The following SYNE1 variants were observed in gnomAD, a reference collection of about 807,000 sequenced individuals.
SYNE1 encodes nesprin-1.
In SYNE1, 616 loss-of-function variants were observed where a neutral mutation model predicts 1,111.0. The ratio of observed to expected loss-of-function variants is 0.55; its 90% CI spans 0.52 to 0.59. The LOEUF (loss-of-function observed/expected upper bound fraction) is 0.59, where lower values mean the gene tolerates loss of function less well. SYNE1 is among the 20% of genes least tolerant of loss of function. SYNE1 has a pLI of 0.00. For missense variants in SYNE1, 10,006 were observed against 10,417.0 expected, an observed-to-expected ratio of 0.96 and a Z score of 1.72; for synonymous variants, 3,855 against 3,825.8, an observed-to-expected ratio of 1.01 and a Z score of -0.28.
chr6:152,491,564 C>T (rs141370297), intron 11 of SYNE1, among the ~76,000 whole-genome samples: 3,824 of 152,188 alleles, frequency 0.025, 167 homozygotes, highest in African/African-American at 0.086. Flanking sequence ...ACTGCTTGGC[C>T]CCAATACAAA....
chr6:152,302,362 A>C, intron 91 of SYNE1: 2 of 489,236 alleles, frequency 4.1e-6, no homozygotes, highest in East Asian at 3.9e-5. Context: ...CCCATATGGA[A>C]TCATGAACTT....
chr6:152,567,086 G>T (rs922321071), intron 3 of SYNE1, among the ~76,000 whole-genome samples: 1 of 151,376 alleles, frequency 6.6e-6, no homozygotes, highest in Non-Finnish European at 1.5e-5. Context: ...CCATCCCTCT[G>T]CACCTGTTAA....
chr6:152,354,574 T>C (rs139263245), intron 67 of SYNE1, 85 bp downstream of exon 67: 1 of 1,549,808 alleles, frequency 6.5e-7, no homozygotes, highest in Admixed American at 1.7e-5. Flanking sequence ...AAGCTTTGGA[T>C]AAAAGTTACT....
At chr6:152,461,453 A>G in intron 21 of SYNE1, 144 bp downstream of exon 21, 1 of 992,826 alleles carries the variant, frequency 1.0e-6, no homozygotes, top group East Asian at 2.5e-5. Flanking sequence ...ATTCATGACA[A>G]AGTTACTAAA....
In SYNE1 at chr6:152,201,964, A is replaced by C. The variant is rs1290354685; in HGVS notation, c.23020-15T>G. The C allele has an allele frequency of 6.2e-7, 1 of 1,613,760 alleles. No individual in the cohort carries two copies. The highest frequency in any genetic ancestry group is 8.5e-7 in the Non-Finnish European group (1 of 1,179,848). On this transcript the variant is annotated splice_polypyrimidine_tract_variant and intron_variant, in intron 126 of 145. Coordinates refer to ENST00000367255, the MANE Select transcript of SYNE1 (RefSeq NM_182961.4). Reference sequence around the variant, plus strand: ...TTTTCCCAGTCCTATCATGGGAATAAAAACAAATAGCATAGATGTTTTTGA... The same window carrying C: ...TTTTCCCAGTCCTATCATGGGAATACAAACAAATAGCATAGATGTTTTTGA...
At position 152,419,586 on chromosome 6, in the gene SYNE1, C is replaced by CT; in HGVS notation, c.5403dup (p.Ala1802SerfsTer6). The CT allele has an allele frequency of 6.2e-7, 1 of 1,612,268 alleles. No homozygotes were observed. On this transcript the variant is annotated frameshift_variant, in exon 40 of 146. Transcript: ENST00000367255. LOFTEE classifies it high-confidence loss of function. ...CACTTTACCTTATGCCGAGTAAGGGCTACTTGATGGTCCATTATGCTAATC... is the reference window on the plus strand; with the variant it reads ...CACTTTACCTTATGCCGAGTAAGGGCTTACTTGATGGTCCATTATGCTAATC...
intron 3 of SYNE1, among the ~76,000 whole-genome samples, chr6:152,585,829 A>G (rs1332259723): frequency 6.6e-6 from 1 of 152,190 alleles, no homozygotes; most frequent in East Asian, 1.9e-4. Context: ...AAAATAAGTG[A>G]TTTTAGCCTA....
chr6:152,629,526 G>GT (rs1171434369), intron 2 of SYNE1, among the ~76,000 whole-genome samples: 1 of 71,068 alleles, frequency 1.4e-5, no homozygotes, highest in Non-Finnish European at 3.1e-5. Flanking sequence ...CATTGCCGGG[G>GT]GGGGGGGGGG....
chr6:152,269,602 A>G (rs929654049), intron 98 of SYNE1, among the ~76,000 whole-genome samples: 1 of 152,168 alleles, frequency 6.6e-6, no homozygotes, highest in African/African-American at 2.4e-5. Context: ...AACATAACTC[A>G]AGATCCTTTG....
At chr6:152,511,553 T>C (rs769876578) in intron 6 of SYNE1, 1 of 1,611,944 alleles carries the variant, frequency 6.2e-7, no homozygotes, top group South Asian at 1.1e-5. Context: ...AGTTAAGAAT[T>C]CTAAAATTTG....
intron 14 of SYNE1, among the ~76,000 whole-genome samples, chr6:152,479,672 G>A (rs904725057): frequency 6.6e-6 from 1 of 152,144 alleles, no homozygotes; most frequent in Non-Finnish European, 1.5e-5. Flanking sequence ...ACATGGTTAA[G>A]TCCTCCATAA....
intron 22 of SYNE1, among the ~76,000 whole-genome samples, chr6:152,456,490 C>A (rs2098697007): frequency 6.8e-6 from 1 of 148,012 alleles, no homozygotes; most frequent in Admixed American, 6.8e-5. Context: ...AAGAGATGCA[C>A]TATATATATA....
rs766142799 is a variant in SYNE1 at position 152,330,646 on chromosome 6, A to T, written c.14039T>A (p.Ile4680Asn). 1.2e-6 allele frequency: 2 copies of T among 1,613,762 alleles called. No individual in the cohort carries two copies. The highest frequency in any genetic ancestry group is 1.7e-6 in the Non-Finnish European group (2 of 1,180,000). Residue 4680 changes from isoleucine to asparagine, a missense_variant, in exon 78 of 146, where the codon ATT (isoleucine) becomes AAT (asparagine). Physicochemically the swap from Ile to Asn is moderately radical, Grantham distance 149. Coordinates refer to ENST00000367255, the MANE Select transcript of SYNE1 (RefSeq NM_182961.4). ...ACTCAGAGACTGGGTTGTCAACTCA[A>T]TCAAGGAAGCATATTCCTTCCGAGC... is the stretch of plus-strand genomic sequence containing the variant. ...ILARKEYASLIELTTQSLSEL... is the reference protein window; with the variant it reads ...ILARKEYASLNELTTQSLSEL...
In SYNE1 at chr6:152,442,104, T is replaced by G. The variant is rs1240322087; in HGVS notation, c.3979A>C (p.Ser1327Arg). The G allele has an allele frequency of 3.1e-6, 5 of 1,614,116 alleles. No individual in the cohort carries two copies. The highest frequency in any genetic ancestry group is 4.2e-6 in the Non-Finnish European group (5 of 1,180,032). ...LESTLDGLER[S>R]RERQERRIQV... The stretch of plus-strand genomic sequence containing the variant: ...ATGCGGCGTTCCTGCCTCTCCCGGC[T>G]GCGCTCCAGGCCATCCAGTGTGCTC... The change falls in exon 31 of 146, where the codon AGC becomes CGC. Residue 1327 changes from serine (S) to arginine (R), a missense_variant. Transcript: ENST00000367255.
Position 152,391,269 on chromosome 6 carries a change from G to C in SYNE1, c.8004+8C>G. On this transcript the variant is annotated splice_region_variant and intron_variant, in intron 52 of 145. Transcript: ENST00000367255. ...CAGTTGTCAGTGTCTGGCTGGTGTCGCATGTACCTGTATTTGTGACAGCCG... is the reference window on the plus strand; with the variant it reads ...CAGTTGTCAGTGTCTGGCTGGTGTCCCATGTACCTGTATTTGTGACAGCCG... The C allele has an allele frequency of 6.2e-7, 1 of 1,613,656 alleles. No individual in the cohort carries two copies. Among genetic ancestry groups the C allele is most frequent in the African/African-American group, 1.3e-5 (1 of 74,964 alleles).
intron 29 of SYNE1, among the ~76,000 whole-genome samples, 183 bp downstream of exon 29, chr6:152,447,275 A>T (rs915701614): frequency 6.6e-6 from 1 of 152,240 alleles, no homozygotes; most frequent in Non-Finnish European, 1.5e-5. Flanking sequence ...AATGGCACAG[A>T]CCATACATCA....
At chr6:152,513,840 A>C (rs183414679) in intron 6 of SYNE1, among the ~76,000 whole-genome samples, 11 of 152,350 alleles carry the variant, frequency 7.2e-5, no homozygotes, top group African/African-American at 2.6e-4. Flanking sequence ...GACACTTCTC[A>C]AAAGAAGACA....
rs35484093 is a variant in SYNE1 at position 152,330,521 on chromosome 6, C to T, written c.14164G>A (p.Glu4722Lys). The T allele has an allele frequency of 1.2e-4, 192 of 1,614,162 alleles. No individual in the cohort carries two copies. The highest frequency in any genetic ancestry group is 2.7e-4 in the African/African-American group (20 of 75,058). ...ACCGCCTCCCCAAGGCCCGCCACCT[C>T]GTCCAGAATGGCTCTGCAACCATCT... ...LQDGCRAILD[E>K]VAGLGEAVDE... Residue 4722 changes from glutamate to lysine, a missense_variant, in exon 78 of 146, where the codon GAG becomes AAG. Physicochemically the swap from Glu to Lys is moderately conservative, Grantham distance 56. Around this residue, in one of 7 missense-constraint regions of SYNE1, gnomAD observed 4,955 missense variants for 5,017.2 expected, o/e 0.99. Coordinates refer to ENST00000367255, the MANE Select transcript of SYNE1 (RefSeq NM_182961.4).
At chr6:152,500,224 T>C (rs1176347399) in intron 10 of SYNE1, among the ~76,000 whole-genome samples, 1 of 152,228 alleles carries the variant, frequency 6.6e-6, no homozygotes, top group South Asian at 2.1e-4. Context: ...TGTGTTTTCT[T>C]ATAGAGTTTC....
Sources: gnomAD v4.1 joint callset for allele counts (sites outside exome capture counted in the v4.1 genomes callset) on GRCh38, gnomAD v4.1.1 for gene constraint, gnomAD v4.1.1 regional missense constraint, MANE v1.5 for transcripts, NCBI Gene and HGNC (gene_info 2026-07-23, HGNC 2026-07-21) for gene names.